RGS6: variants seen among roughly 807,000 people sequenced by gnomAD.
RGS6 encodes regulator of G protein signaling 6.
Under a neutral mutation model 78.5 loss-of-function variants are expected in RGS6, and 30 were observed. That is an observed-to-expected ratio of 0.38 (90% CI 0.29 to 0.52). The LOEUF (loss-of-function observed/expected upper bound fraction) is 0.52, where lower values mean the gene tolerates loss of function less well. Among genes scored for constraint, RGS6 ranks in the 20% least tolerant of loss-of-function variants. The probability of loss-of-function intolerance (pLI) is 0.85; values close to 1 mark genes in which losing one functional copy is unlikely to be tolerated. For synonymous variants in RGS6, 206 were observed against 206.0 expected, an observed-to-expected ratio of 1.00 and a Z score of 0.00; for missense variants, 495 against 609.7, an observed-to-expected ratio of 0.81 and a Z score of 1.98.
upstream of RGS6, among the ~76,000 whole-genome samples, chr14:71,929,683 T>C (rs1402902242): frequency 6.6e-6 from 1 of 152,232 alleles, no homozygotes; most frequent in African/African-American, 2.4e-5. Context: ...CATTTATTGA[T>C]GATTCTGGCC....
At chr14:72,581,601 C>T in the RGS6 span, among the ~76,000 whole-genome samples, 5 of 152,312 alleles carry the variant, frequency 3.3e-5, no homozygotes, top group Non-Finnish European at 5.9e-5. Flanking sequence ...CTTGCACATG[C>T]GTGAACCTAG....
At chr14:71,897,830 G>C in the RGS6 span, among the ~76,000 whole-genome samples, 1 of 151,948 alleles carries the variant, frequency 6.6e-6, no homozygotes, top group Non-Finnish European at 1.5e-5. Context: ...CATGGATTTT[G>C]TAAAAGAATG....
chr14:72,495,302 G>A (rs1285376362), intron 13 of RGS6, 40 bp downstream of exon 13: 1 of 1,244,876 alleles, frequency 8.0e-7, no homozygotes, highest in East Asian at 2.3e-5. Flanking sequence ...GATGAATGTA[G>A]ACAAAAATCC....
At chr14:72,403,712 G>C (rs548713296) in intron 3 of RGS6, among the ~76,000 whole-genome samples, 5 of 152,192 alleles carry the variant, frequency 3.3e-5, no homozygotes, top group Admixed American at 3.3e-4. Flanking sequence ...ACCCTATAAA[G>C]ATGTATAATT....
chr14:72,320,196 G>A (rs552037111), intron 2 of RGS6, among the ~76,000 whole-genome samples: 9 of 152,180 alleles, frequency 5.9e-5, no homozygotes, highest in East Asian at 5.8e-4. Flanking sequence ...TTTATGCACA[G>A]CCAAACTGTC....
intron 2 of RGS6, among the ~76,000 whole-genome samples, chr14:72,019,083 A>G (rs1194142087): frequency 6.6e-6 from 1 of 152,182 alleles, no homozygotes; most frequent in Non-Finnish European, 1.5e-5. Context: ...TGAGCCAGGC[A>G]GCACGTGAAG....
intron 2 of RGS6, among the ~76,000 whole-genome samples, chr14:72,228,673 C>G (rs1168931201): frequency 6.6e-6 from 1 of 152,122 alleles, no homozygotes; most frequent in Non-Finnish European, 1.5e-5. Flanking sequence ...CAGAGACATG[C>G]TGGAAGTGGA....
chr14:72,528,802 G>C (rs961940473), intron 15 of RGS6, among the ~76,000 whole-genome samples: 1 of 152,220 alleles, frequency 6.6e-6, no homozygotes, highest in African/African-American at 2.4e-5. Context: ...GGCTTGGCTG[G>C]TTTTGCCAGT....
At chr14:72,361,417 A>G (rs1566626518) in intron 3 of RGS6, among the ~76,000 whole-genome samples, 1 of 152,210 alleles carries the variant, frequency 6.6e-6, no homozygotes, top group Non-Finnish European at 1.5e-5. Context: ...ATTACCACAA[A>G]TTGTAAGTCA....
intron 13 of RGS6, among the ~76,000 whole-genome samples, chr14:72,503,242 G>A (rs907235586): frequency 6.6e-6 from 1 of 152,194 alleles, no homozygotes; most frequent in East Asian, 1.9e-4. Context: ...ATCACATTAG[G>A]GGTCAGGATT....
At position 72,526,786 on chromosome 14, in the gene RGS6, A is replaced by G. The variant is rs570352169; in HGVS notation, c.1278+8249A>G. ...ATCTTTCACTTATGTGGATGTCCAT[A>G]TTGTTGCGGTATCTTTTCTGTTGCC... On this transcript the variant is annotated intron_variant, in intron 15 of 17. Transcript: ENST00000553525. Among the ~76,000 whole-genome samples, 6 of 152,290 alleles carry G rather than the reference A, an allele frequency of 3.9e-5. 1 individual carries two copies. Among genetic ancestry groups the G allele is most frequent in the Admixed American group, 3.9e-4 (6 of 15,296 alleles).
chr14:72,550,703 G>GGT, intron 17 of RGS6: 1 of 1,410,462 alleles, frequency 7.1e-7, no homozygotes, highest in Non-Finnish European at 9.3e-7. Flanking sequence ...ATCACAATCC[G>GGT]GTGGTTTTAC....
intron 7 of RGS6, chr14:72,469,484 G>A (rs1411656653): frequency 6.5e-6 from 1 of 152,746 alleles, no homozygotes; most frequent in Admixed American, 6.5e-5. Flanking sequence ...TGCGATTACA[G>A]GTGTGAGTCA....
At position 72,562,685 on chromosome 14, in the gene RGS6, C is replaced by T; in HGVS notation, c.*218C>T. 6.5e-7 allele frequency: 1 copy of T among 1,536,170 alleles called. No homozygotes were observed. On this transcript the variant is annotated 3_prime_UTR_variant, in exon 18 of 18. Coordinates refer to ENST00000553525, the MANE Select transcript of RGS6 (RefSeq NM_001204424.2). Reference sequence around the variant, plus strand: ...GCCTGGGCTGGGCCCGGTGGAGGCTCCTGTTTACAGCCCTCTCTTCTTTGT... The same window carrying T: ...GCCTGGGCTGGGCCCGGTGGAGGCTTCTGTTTACAGCCCTCTCTTCTTTGT...
In RGS6 at chr14:72,495,197, A is replaced by T; in HGVS notation, c.900A>T (p.Ile300=). The part of the protein sequence containing the change: ...TEQYVEYDPL[I]TPAEPSNPWI... Reference sequence around the variant, plus strand: ...AATATGTGGAATATGACCCTTTGATAACACCAGCTGAGCCATCCAACCCTT... The same window carrying T: ...AATATGTGGAATATGACCCTTTGATTACACCAGCTGAGCCATCCAACCCTT... The change falls in exon 13 of 18, where the codon ATA becomes ATT. Residue 300 remains isoleucine, a synonymous_variant. Transcript: ENST00000553525. The T allele has an allele frequency of 6.2e-7, 1 of 1,613,762 alleles. No homozygotes were observed.
chr14:71,950,660 C>G (rs1456507196), intron 1 of RGS6, among the ~76,000 whole-genome samples: 1 of 152,104 alleles, frequency 6.6e-6, no homozygotes, highest in Non-Finnish European at 1.5e-5. Context: ...ATTTTTGCAA[C>G]CTATCCACCT....
At chr14:72,570,751 T>G (rs1364503657), downstream of RGS6, among the ~76,000 whole-genome samples, 1 of 152,260 alleles carries the variant, frequency 6.6e-6, no homozygotes, top group Non-Finnish European at 1.5e-5. Flanking sequence ...CTGGAGGAGA[T>G]GACCCAGGGG....
chr14:72,097,359 T>C (rs922298168), intron 2 of RGS6, among the ~76,000 whole-genome samples: 1 of 151,314 alleles, frequency 6.6e-6, no homozygotes, highest in African/African-American at 2.4e-5. Flanking sequence ...CATCTTTCTT[T>C]GTGCCAAGAA....
chr14:72,240,127 C>A (rs847262), intron 2 of RGS6, among the ~76,000 whole-genome samples: 46,249 of 152,030 alleles, frequency 0.3, 7,870 homozygotes, highest in South Asian at 0.43. Flanking sequence ...GTGTCCTTCC[C>A]CTAACCCCCA....
Sources: gnomAD v4.1 joint callset for allele counts (sites outside exome capture counted in the v4.1 genomes callset) on GRCh38, gnomAD v4.1.1 for gene constraint, MANE v1.5 for transcripts, NCBI Gene and HGNC (gene_info 2026-07-23, HGNC 2026-07-21) for gene names.